Variants in EPB41L1 observed in about 807,000 individuals in gnomAD.
EPB41L1 encodes band 4.1-like protein 1.
Under a neutral mutation model 97.8 loss-of-function variants are expected in EPB41L1, and 29 were observed. That is an observed-to-expected ratio of 0.30 (90% CI 0.22 to 0.40). The LOEUF is 0.40. EPB41L1 is among the 10% of genes least tolerant of loss of function. EPB41L1 has a pLI of 1.00. For synonymous variants in EPB41L1, 383 were observed against 459.2 expected, an observed-to-expected ratio of 0.83 and a Z score of 2.12; for missense variants, 812 against 1,162.3, an observed-to-expected ratio of 0.70 and a Z score of 4.38.
At chr20:36,099,038 G>A (rs576961326) in intron 1 of EPB41L1, among the ~76,000 whole-genome samples, 2 of 152,060 alleles carry the variant, frequency 1.3e-5, no homozygotes, top group Admixed American at 6.6e-5. Context: ...GCGTGGTGGC[G>A]GGCACCTGTA....
Position 36,207,790 on chromosome 20 carries a change from C to T in EPB41L1, c.1669-1698C>T, listed in dbSNP as rs996700619. ...AGCTACTGGAACTGGGGTAACTGGC[C>T]GCGTGAGCCCCCGCCCCCACCGCTG... On this transcript the variant is annotated intron_variant, in intron 14 of 21. Coordinates refer to ENST00000338074, the MANE Select transcript of EPB41L1 (RefSeq NM_012156.2). This position sits in a 1 kb window ranked among gnomAD's most constrained non-coding sequence, Gnocchi z 4.9. 41 of 1,284,740 alleles carry T rather than the reference C, an allele frequency of 3.2e-5. No individual in the cohort carries two copies. Among genetic ancestry groups the T allele is most frequent in the African/African-American group, 9.1e-5 (6 of 65,814 alleles). The allele number at this position is 1,284,740 out of a possible 1,614,324, so 79.6% of individuals were successfully genotyped here. A position where few individuals can be genotyped will look rare whatever the true frequency, so the allele number is the denominator to read the frequency against.
chr20:36,140,203 C>T (rs535041541), intron 2 of EPB41L1, among the ~76,000 whole-genome samples: 22 of 150,616 alleles, frequency 1.5e-4, no homozygotes, highest in Admixed American at 5.3e-4. Context: ...TACAGGTGCG[C>T]GCCACCACAC....
intron 2 of EPB41L1, among the ~76,000 whole-genome samples, chr20:36,133,147 C>T (rs2059284848): frequency 6.6e-6 from 1 of 152,258 alleles, no homozygotes; most frequent in South Asian, 2.1e-4. Flanking sequence ...TGGCTGTTAG[C>T]CCAGTTGGCC....
chr20:36,154,435 C>T (rs1397989650), upstream of EPB41L1, among the ~76,000 whole-genome samples: 1 of 151,910 alleles, frequency 6.6e-6, no homozygotes, highest in African/African-American at 2.4e-5. This position sits in a 1 kb window ranked among gnomAD's most constrained non-coding sequence, Gnocchi z 5.5. Flanking sequence ...GCTGCACAGT[C>T]CCGCAGTGGT....
intron 1 of EPB41L1, among the ~76,000 whole-genome samples, chr20:36,101,636 A>G (rs2058020342): frequency 6.6e-6 from 1 of 152,054 alleles, no homozygotes; most frequent in African/African-American, 2.4e-5. Context: ...CCTCCCTCCT[A>G]GGGTTCCCTA....
chr20:36,178,930 G>A lies in EPB41L1; in HGVS notation c.490+258G>A, dbSNP rs534093871. ...ACAAAAATTAGCTGGGCGTGGTGGCGGGTGCTTGTAATCCCAGCTACTCGG... is the reference window on the plus strand; with the variant it reads ...ACAAAAATTAGCTGGGCGTGGTGGCAGGTGCTTGTAATCCCAGCTACTCGG... On this transcript the variant is annotated intron_variant, in intron 5 of 21. Transcript: ENST00000338074. 5.9e-5 allele frequency among the ~76,000 whole-genome samples: 9 copies of A among 151,964 alleles called. 1 individual carries two copies. The highest frequency in any genetic ancestry group is 4.2e-4 in the South Asian group (2 of 4,792).
At chr20:36,119,981 C>T (rs754271679) in intron 2 of EPB41L1, among the ~76,000 whole-genome samples, 9 of 152,264 alleles carry the variant, frequency 5.9e-5, no homozygotes, top group Non-Finnish European at 1.3e-4. Context: ...GGTCCTCTCT[C>T]CCAGACCAAG....
intron 2 of EPB41L1, among the ~76,000 whole-genome samples, chr20:36,122,112 T>A (rs1278501422): frequency 6.6e-6 from 1 of 152,184 alleles, no homozygotes; most frequent in Non-Finnish European, 1.5e-5. Context: ...TGTGTGCACC[T>A]GGCCAGGTGG....
chr20:36,134,089 G>A (rs777139750), intron 2 of EPB41L1, among the ~76,000 whole-genome samples: 2 of 152,118 alleles, frequency 1.3e-5, no homozygotes, highest in Admixed American at 6.5e-5. Context: ...TTTTTCTACT[G>A]TATAAATAAA....
Position 36,207,784 on chromosome 20 carries a change from A to T in EPB41L1, c.1669-1704A>T. The T allele has an allele frequency of 7.8e-7, 1 of 1,287,206 alleles. No homozygotes were observed. The highest frequency in any genetic ancestry group is 1.0e-6 in the Non-Finnish European group (1 of 987,002). 79.7% of individuals were successfully genotyped at this position (1,287,206 alleles called of 1,614,324 possible). A position where few individuals can be genotyped will look rare whatever the true frequency, so the allele number is the denominator to read the frequency against. On this transcript the variant is annotated intron_variant, in intron 14 of 21. Transcript: ENST00000338074. The surrounding 1 kb of genome is among the most constrained non-coding windows in gnomAD (Gnocchi z 4.9). ...GGCAGAAGCTACTGGAACTGGGGTA[A>T]CTGGCCGCGTGAGCCCCCGCCCCCA...
At chr20:36,208,052 C>T (rs1353321317) in intron 14 of EPB41L1, among the ~76,000 whole-genome samples, 1 of 152,204 alleles carries the variant, frequency 6.6e-6, no homozygotes, top group African/African-American at 2.4e-5. Flanking sequence ...ACACAACCCC[C>T]ATGGAGAAGG....
chr20:36,187,328 GAACAATGTCCGT>G (rs2061724999), intron 7 of EPB41L1, among the ~76,000 whole-genome samples: 3 of 152,304 alleles, frequency 2.0e-5, no homozygotes, highest in African/African-American at 4.8e-5. Context: ...TGATGATAAT[GAACAATGTCCGT>G]AACAATGGTT....
chr20:36,204,471 C>CTTTTTTTTTTTTT (rs765673962), intron 14 of EPB41L1, among the ~76,000 whole-genome samples: 5 of 90,602 alleles, frequency 5.5e-5, no homozygotes, highest in African/African-American at 2.3e-4. Context: ...CGATCTGGTG[C>CTTTTTTTTTTTTT]TTTTTTTTTT....
In EPB41L1 at chr20:36,224,915, G is replaced by A. The variant is rs371502912; in HGVS notation, c.2637+2521G>A. On this transcript the variant is annotated intron_variant, in intron 21 of 21. Transcript: ENST00000338074. ...TGGCTTACTCCAGCCTCCACCTCCCGGATTCAAGTGATTCTCGTGCCTCAG... is the reference window on the plus strand; with the variant it reads ...TGGCTTACTCCAGCCTCCACCTCCCAGATTCAAGTGATTCTCGTGCCTCAG... Among the ~76,000 whole-genome samples the A allele has an allele frequency of 8.5e-5, 13 of 152,082 alleles. No individual in the cohort carries two copies. In the South Asian group the frequency reaches 1.0e-3, roughly 12 times the overall value.
intron 2 of EPB41L1, among the ~76,000 whole-genome samples, chr20:36,144,786 A>G (rs2059773304): frequency 6.6e-6 from 1 of 152,242 alleles, no homozygotes; most frequent in South Asian, 2.1e-4. Context: ...CTGATAAGTA[A>G]CATTTATTGA....
intron 11 of EPB41L1, among the ~76,000 whole-genome samples, chr20:36,191,667 C>G (rs1275486240): frequency 6.6e-6 from 1 of 152,146 alleles, no homozygotes; most frequent in African/African-American, 2.4e-5. Context: ...GAGTTCAAAT[C>G]TCGGCTTGAC....
intron 1 of EPB41L1, among the ~76,000 whole-genome samples, chr20:36,101,691 G>T (rs149111951): frequency 2.0e-5 from 3 of 152,152 alleles, no homozygotes; most frequent in Non-Finnish European, 4.4e-5. Flanking sequence ...AGCAACAAAG[G>T]TGAGCATGCT....
chr20:36,223,673 TTCTA>T (rs1323966425), intron 21 of EPB41L1, among the ~76,000 whole-genome samples: 2 of 152,198 alleles, frequency 1.3e-5, no homozygotes, highest in African/African-American at 4.8e-5. Context: ...ATTCCTGATT[TTCTA>T]TCTGAGAAAA....
At chr20:36,152,878 G>A, upstream of EPB41L1, 2 of 444,264 alleles carry the variant, frequency 4.5e-6, no homozygotes, top group Non-Finnish European at 9.1e-6. Context: ...CAAAGGACAG[G>A]ATTTGTACAG....
Sources: gnomAD v4.1 joint callset for allele counts (sites outside exome capture counted in the v4.1 genomes callset) on GRCh38, gnomAD v4.1.1 for gene constraint, Gnocchi (gnomAD v3.1) non-coding constraint, MANE v1.5 for transcripts, NCBI Gene and HGNC (gene_info 2026-07-23, HGNC 2026-07-21) for gene names.